The following PPHLN1 variants were observed in gnomAD, a reference collection of about 807,000 sequenced individuals.
The protein encoded by PPHLN1 is periphilin 1, also known as periphilin-1.
PPHLN1 carries 29 observed loss-of-function variants against 51.3 expected under a neutral mutation model. The ratio of observed to expected loss-of-function variants is 0.57; its 90% confidence interval spans 0.42 to 0.77. The LOEUF (loss-of-function observed/expected upper bound fraction) is 0.77, where lower values mean the gene tolerates loss of function less well. Among genes scored for constraint, PPHLN1 ranks in the 30% least tolerant of loss-of-function variants. PPHLN1 has a pLI of 0.00. For synonymous variants in PPHLN1, 147 were observed against 147.8 expected, an observed-to-expected ratio of 0.99 and a Z score of 0.04; for missense variants, 436 against 438.4, an observed-to-expected ratio of 0.99 and a Z score of 0.05.
At chr12:42,380,887 A>G (rs2076699913) in intron 5 of PPHLN1, among the ~76,000 whole-genome samples, 1 of 152,202 alleles carries the variant, frequency 6.6e-6, no homozygotes, top group Non-Finnish European at 1.5e-5. Flanking sequence ...TACATCTCTT[A>G]ATCAACAAAC....
intron 9 of PPHLN1, among the ~76,000 whole-genome samples, chr12:42,406,108 G>T (rs1188676457): frequency 7.3e-5 from 9 of 122,710 alleles, no homozygotes; most frequent in African/African-American, 2.4e-4. Flanking sequence ...TTTTGAGACA[G>T]AGTCTTGCTC....
chr12:42,403,991 A>G (rs2079062703), intron 9 of PPHLN1, among the ~76,000 whole-genome samples: 1 of 151,224 alleles, frequency 6.6e-6, no homozygotes, highest in African/African-American at 2.4e-5. Context: ...GGCATGGTAT[A>G]ATGAACACTT....
intron 4 of PPHLN1, 46 bp downstream of exon 4, chr12:42,355,268 A>T: frequency 6.6e-7 from 1 of 1,504,420 alleles, no homozygotes; most frequent in Non-Finnish European, 9.2e-7. Context: ...TACTTGACTC[A>T]CTGTGATGTC....
At chr12:42,378,469 A>C (rs7301084) in intron 5 of PPHLN1, among the ~76,000 whole-genome samples, 1,961 of 152,182 alleles carry the variant, frequency 0.013, 49 homozygotes, top group African/African-American at 0.044. Context: ...CTTATCAGTC[A>C]CTTAAGCTGG....
intron 8 of PPHLN1, among the ~76,000 whole-genome samples, chr12:42,395,048 A>G (rs2078075055): frequency 6.6e-6 from 1 of 152,104 alleles, no homozygotes; most frequent in Non-Finnish European, 1.5e-5. Context: ...TCAGGTTTTT[A>G]TAAAAGCTCA....
Position 42,355,643 on chromosome 12 carries a change from A to C in PPHLN1, c.299+421A>C, listed in dbSNP as rs149217603. The stretch of plus-strand genomic sequence containing the variant: ...GCAGGTGCCTGTAATCCCAGCAACT[A>C]GGGAGGTTGAGGCAGGAGGATTGCT... On this transcript the variant is annotated intron_variant, in intron 4 of 9. Transcript: ENST00000358314. 1,101 of 157,094 alleles carry C rather than the reference A, an allele frequency of 7.0e-3. 39 individuals are homozygous for C. The East Asian group carries it at 0.1, about 15-fold the overall frequency. 9.7% of individuals were successfully genotyped at this position (157,094 alleles called of 1,614,324 possible).
intron 7 of PPHLN1, among the ~76,000 whole-genome samples, chr12:42,392,307 TTA>T (rs1274234074): frequency 6.6e-6 from 1 of 152,162 alleles, no homozygotes; most frequent in Non-Finnish European, 1.5e-5. Flanking sequence ...GTTTTTTAGT[TTA>T]TGAGTTGGGA....
At chr12:42,373,452 A>G (rs2075981434) in intron 4 of PPHLN1, among the ~76,000 whole-genome samples, 1 of 152,208 alleles carries the variant, frequency 6.6e-6, no homozygotes, top group Admixed American at 6.5e-5. Context: ...CTAGTGTTCA[A>G]ATGAACTTTA....
intron 4 of PPHLN1, among the ~76,000 whole-genome samples, chr12:42,370,378 G>A (rs1368570976): frequency 6.6e-6 from 1 of 152,178 alleles, no homozygotes; most frequent in Non-Finnish European, 1.5e-5. Context: ...TTTGCATAAA[G>A]CCTCCATTCA....
chr12:42,357,925 T>C (rs2074225005), intron 4 of PPHLN1, among the ~76,000 whole-genome samples: 1 of 152,298 alleles, frequency 6.6e-6, no homozygotes, highest in East Asian at 1.9e-4. Flanking sequence ...ACTATGTCCA[T>C]ATGTACACAT....
intron 2 of PPHLN1, among the ~76,000 whole-genome samples, chr12:42,345,215 C>T (rs1346853842): frequency 2.6e-5 from 4 of 152,058 alleles, no homozygotes; most frequent in African/African-American, 9.7e-5. Context: ...TTCTCATTAA[C>T]GTAAGCAAAC....
rs941431262 is a variant in PPHLN1, at chr12:42,380,286, A to G, written c.512-4654A>G. ...ATACTTTTACTTTGCAAGATTTGCA[A>G]GTTTATTGTTTATTTTGTTTGTTTG... On this transcript the variant is annotated intron_variant, in intron 5 of 9. Transcript: ENST00000358314. Among the ~76,000 whole-genome samples the G allele has an allele frequency of 4.6e-5, 7 of 152,020 alleles. 1 individual carries two copies. The highest frequency in any genetic ancestry group is 1.7e-4 in the African/African-American group (7 of 41,416).
chr12:42,418,205 G>A (rs1407160530), intron 9 of PPHLN1, among the ~76,000 whole-genome samples: 2 of 113,856 alleles, frequency 1.8e-5, no homozygotes, highest in East Asian at 2.7e-4. Flanking sequence ...CACTGCTCCC[G>A]GCCCTCTTTT....
chr12:42,362,855 A>G (rs1375183501), intron 4 of PPHLN1, among the ~76,000 whole-genome samples: 1 of 152,170 alleles, frequency 6.6e-6, no homozygotes, highest in African/African-American at 2.4e-5. Context: ...GTCACTCATT[A>G]TTCAGGGTAG....
Position 42,375,059 on chromosome 12 carries a change from C to G in PPHLN1, c.496C>G (p.Gln166Glu), listed in dbSNP as rs1240839962. 1 of 1,607,936 alleles carries G rather than the reference C, an allele frequency of 6.2e-7. No homozygotes were observed. The highest frequency in any genetic ancestry group is 8.5e-7 in the Non-Finnish European group (1 of 1,175,394). The change falls in exon 5 of 10, where the codon CAG (glutamine) becomes GAG (glutamate). Residue 166 changes from glutamine (Q) to glutamate (E), a missense_variant. Gln to Glu is a conservative substitution (Grantham distance 29). Transcript: ENST00000358314. ...PERSKSYSFH[Q>E]SQHRKSVRPG... ...AAGGAGCAAATCATACTCTTTCCAT[C>G]AGTCTCAACATAGAAGTATGTATTT...
intron 9 of PPHLN1, chr12:42,433,311 TG>T: frequency 1.7e-6 from 1 of 600,140 alleles, no homozygotes; most frequent in South Asian, 1.6e-5. Context: ...AAATGGAACC[TG>T]GCATTCTGGT....
chr12:42,404,299 C>A (rs935196544), intron 9 of PPHLN1, among the ~76,000 whole-genome samples: 1 of 152,064 alleles, frequency 6.6e-6, no homozygotes, highest in Non-Finnish European at 1.5e-5. Context: ...GGGGCCCAGG[C>A]GGGTGGATCA....
At position 42,354,699 on chromosome 12, in the gene PPHLN1, T is replaced by G. The variant is rs193231408; in HGVS notation, c.238-462T>G. On this transcript the variant is annotated intron_variant, in intron 3 of 9. Transcript: ENST00000358314. ...ATAAGTGACAGTTTCTTATATTGTT[T>G]CCAGTTTGGTTTTTAATTGAAAATA... 1.6e-4 allele frequency among the ~76,000 whole-genome samples: 25 copies of G among 152,346 alleles called. 1 individual carries two copies. The East Asian group carries it at 4.8e-3, about 29-fold the overall frequency.
chr12:42,373,956 G>A (rs1488568076), intron 4 of PPHLN1, among the ~76,000 whole-genome samples: 4 of 152,102 alleles, frequency 2.6e-5, no homozygotes, highest in Admixed American at 6.5e-5. Flanking sequence ...GGTGTGTAGT[G>A]TTGGGGGGCA....
Sources: gnomAD v4.1 joint callset for allele counts (sites outside exome capture counted in the v4.1 genomes callset) on GRCh38, gnomAD v4.1.1 for gene constraint, MANE v1.5 for transcripts, NCBI Gene and HGNC (gene_info 2026-07-23, HGNC 2026-07-21) for gene names.